TENM2: variants seen among roughly 807,000 people sequenced by gnomAD.
TENM2 encodes the protein teneurin-2.
Under a neutral mutation model 245.2 loss-of-function variants are expected in TENM2, and 52 were observed. The ratio of observed to expected loss-of-function variants is 0.21; its 90% CI spans 0.17 to 0.27. TENM2 has a LOEUF of 0.27. TENM2 is among the 10% of genes least tolerant of loss of function. TENM2 has a pLI of 1.00. For synonymous variants in TENM2, 1,363 were observed against 1,438.9 expected (o/e 0.95, Z 1.19); for missense variants, 3,046 against 3,666.8 (o/e 0.83, Z 4.37).
intron 2 of TENM2, among the ~76,000 whole-genome samples, chr5:167,634,463 T>C (rs948965617): frequency 6.8e-6 from 1 of 146,758 alleles, no homozygotes; most frequent in South Asian, 2.2e-4. Context: ...CATAAATATC[T>C]GAAGAACTTA....
chr5:167,607,421 A>C (rs1357833904), intron 2 of TENM2, among the ~76,000 whole-genome samples: 1 of 152,166 alleles, frequency 6.6e-6, no homozygotes, highest in Non-Finnish European at 1.5e-5. Context: ...CAAAACAAAA[A>C]CAAAACAGGG....
intron 1 of TENM2, among the ~76,000 whole-genome samples, chr5:167,310,062 C>T (rs1042627635): frequency 1.3e-5 from 2 of 151,066 alleles, no homozygotes; most frequent in African/African-American, 2.5e-5. Flanking sequence ...TACTAAAGCG[C>T]GTATCTGTGA....
chr5:167,475,702 T>G (rs1243348803), intron 2 of TENM2, among the ~76,000 whole-genome samples: 2 of 151,050 alleles, frequency 1.3e-5, no homozygotes, highest in African/African-American at 4.9e-5. Context: ...CCTGTCCCCA[T>G]ATGTTCTCAT....
At chr5:168,136,834 CTCT>C (rs1368182463) in intron 12 of TENM2, among the ~76,000 whole-genome samples, 1 of 152,174 alleles carries the variant, frequency 6.6e-6, no homozygotes, top group Non-Finnish European at 1.5e-5. Context: ...AGATAAGCGG[CTCT>C]TAAAGAAAAT....
At chr5:167,911,858 G>A (rs571656816) in intron 3 of TENM2, among the ~76,000 whole-genome samples, 61 of 152,054 alleles carry the variant, frequency 4.0e-4, no homozygotes, top group African/African-American at 9.2e-4. Flanking sequence ...TTTACAATAA[G>A]CTTCCTTTTT....
At chr5:167,870,467 C>T (rs1405985141) in intron 2 of TENM2, among the ~76,000 whole-genome samples, 1 of 151,792 alleles carries the variant, frequency 6.6e-6, no homozygotes, top group Non-Finnish European at 1.5e-5. Context: ...GTCAGTTCAA[C>T]TAAGCCTCAG....
At chr5:168,061,863 G>A (rs1581192756) in intron 6 of TENM2, among the ~76,000 whole-genome samples, 197 bp from the exon 9 acceptor site, 2 of 152,224 alleles carry the variant, frequency 1.3e-5, no homozygotes, top group Middle Eastern at 3.4e-3. Flanking sequence ...GATTTCGGAT[G>A]CCCTGGGGTG....
intron 1 of TENM2, among the ~76,000 whole-genome samples, chr5:167,301,465 G>A (rs1755324142): frequency 6.6e-6 from 1 of 152,224 alleles, no homozygotes. Flanking sequence ...TGGAGGCAAG[G>A]AATTGCAACT....
intron 2 of TENM2, among the ~76,000 whole-genome samples, chr5:167,765,792 A>G (rs771565940): frequency 3.9e-5 from 6 of 152,186 alleles, no homozygotes. Flanking sequence ...CACCGGACAC[A>G]TTCTTTCTAA....
the TENM2 span, among the ~76,000 whole-genome samples, chr5:167,208,346 T>C: frequency 3.3e-5 from 5 of 152,202 alleles, no homozygotes; most frequent in African/African-American, 1.2e-4. Context: ...TTTAAGCTAA[T>C]ACTAAATGAC....
the TENM2 span, among the ~76,000 whole-genome samples, chr5:167,059,378 T>G: frequency 7.2e-5 from 11 of 152,328 alleles, no homozygotes; most frequent in Admixed American, 4.6e-4. Context: ...TTCACCCATA[T>G]AAACCTATTT....
At chr5:167,729,708 T>C (rs1760282646) in intron 2 of TENM2, among the ~76,000 whole-genome samples, 1 of 152,160 alleles carries the variant, frequency 6.6e-6, no homozygotes, top group Non-Finnish European at 1.5e-5. Context: ...TCCCATCTGG[T>C]TTTTAGATCT....
At chr5:168,015,290 G>T (rs759759009) in intron 5 of TENM2, among the ~76,000 whole-genome samples, 1 of 152,216 alleles carries the variant, frequency 6.6e-6, no homozygotes, top group Non-Finnish European at 1.5e-5. Flanking sequence ...TCATGACTCT[G>T]TGGTGGACAG....
chr5:167,004,055 A>T, the TENM2 span, among the ~76,000 whole-genome samples: 1 of 152,172 alleles, frequency 6.6e-6, no homozygotes. Flanking sequence ...TAGAAACATG[A>T]TTAGAAATGC....
intron 2 of TENM2, among the ~76,000 whole-genome samples, chr5:167,845,814 T>C (rs1769991109): frequency 2.6e-5 from 4 of 152,320 alleles, no homozygotes; most frequent in Admixed American, 2.0e-4. Flanking sequence ...TGCATGAGAC[T>C]CCATTTTCCC....
chr5:167,385,502 ATT>A (rs151167866), intron 2 of TENM2, among the ~76,000 whole-genome samples: 28 of 126,732 alleles, frequency 2.2e-4, no homozygotes, highest in African/African-American at 2.8e-4. Context: ...TTTAGGTTTA[ATT>A]TTTTTTTTTT....
chr5:167,498,703 C>T (rs775956669), intron 2 of TENM2, among the ~76,000 whole-genome samples: 3 of 152,018 alleles, frequency 2.0e-5, no homozygotes, highest in Non-Finnish European at 4.4e-5. Context: ...ATCCTTTTGG[C>T]TCTCTCAAGG....
At chr5:167,921,614 A>G (rs939268482) in intron 3 of TENM2, among the ~76,000 whole-genome samples, 3 of 152,206 alleles carry the variant, frequency 2.0e-5, no homozygotes, top group East Asian at 3.8e-4. Context: ...CAGGTGGTAC[A>G]TAACTGTTTG....
At chr5:167,439,502 A>G (rs1720225003) in intron 2 of TENM2, among the ~76,000 whole-genome samples, 1 of 152,208 alleles carries the variant, frequency 6.6e-6, no homozygotes, top group Non-Finnish European at 1.5e-5. Flanking sequence ...TAGAATAACA[A>G]TGCCAATATC....
Sources: allele counts gnomAD v4.1 joint callset (sites outside exome capture counted in the v4.1 genomes callset), GRCh38; gene constraint gnomAD v4.1.1; transcripts MANE v1.5; gene names NCBI Gene and HGNC (gene_info 2026-07-23, HGNC 2026-07-21).